The following TRPC7 variants were observed in gnomAD, a reference collection of about 807,000 sequenced individuals.
TRPC7 encodes the protein transient receptor potential cation channel subfamily C member 7.
TRPC7 carries 42 observed loss-of-function variants against 90.1 expected under a neutral mutation model. That is an observed-to-expected ratio of 0.47 (90% confidence interval 0.36 to 0.60). TRPC7 has a LOEUF of 0.60. TRPC7 is among the 20% of genes least tolerant of loss of function. The probability of loss-of-function intolerance (pLI) is 0.00; values close to 1 mark genes in which losing one functional copy is unlikely to be tolerated. For synonymous variants in TRPC7, 451 were observed against 436.3 expected (o/e 1.03, Z -0.42); for missense variants, 955 against 1,112.3 (o/e 0.86, Z 2.01).
chr5:136,315,786 G>A lies in TRPC7; in HGVS notation c.781-7C>T, dbSNP rs762298549. On this transcript the variant is annotated splice_polypyrimidine_tract_variant and splice_region_variant and intron_variant, in intron 2 of 11. Transcript: ENST00000513104. The stretch of plus-strand genomic sequence containing the variant: ...ATAACTTCCTGTAATCGTTCTAACA[G>A]AATAGAGAGAAATCAGCGGTATGTC... 3.1e-6 allele frequency: 5 copies of A among 1,611,064 alleles called. No homozygotes were observed. The highest frequency in any genetic ancestry group is 1.3e-5 in the African/African-American group (1 of 74,898).
intron 2 of TRPC7, among the ~76,000 whole-genome samples, chr5:136,320,574 T>G (rs1759164265): frequency 6.6e-6 from 1 of 152,194 alleles, no homozygotes; most frequent in South Asian, 2.1e-4. Flanking sequence ...ACATTACTGC[T>G]GTTGTTATTC....
chr5:136,270,439 G>A (rs1757171995), intron 4 of TRPC7, among the ~76,000 whole-genome samples: 2 of 152,288 alleles, frequency 1.3e-5, no homozygotes, highest in Non-Finnish European at 1.5e-5. Context: ...ATATGGCACT[G>A]GAGGGTCTCA....
chr5:136,295,369 C>G (rs536352644), intron 3 of TRPC7, among the ~76,000 whole-genome samples: 1 of 152,220 alleles, frequency 6.6e-6, no homozygotes, highest in Non-Finnish European at 1.5e-5. Flanking sequence ...GGGCGGCTAC[C>G]TGTGGATCTG....
chr5:136,275,871 AG>A (rs1757349251), intron 3 of TRPC7, among the ~76,000 whole-genome samples: 1 of 152,250 alleles, frequency 6.6e-6, no homozygotes. Context: ...TGGACTAAGT[AG>A]CAAAACAAGT....
intron 6 of TRPC7, among the ~76,000 whole-genome samples, chr5:136,250,485 T>C (rs1439661119): frequency 6.6e-6 from 1 of 152,236 alleles, no homozygotes; most frequent in Non-Finnish European, 1.5e-5. Flanking sequence ...AGCTGCTTTT[T>C]ACTGTTAACA....
chr5:136,304,428 G>T (rs1453659414), intron 3 of TRPC7, among the ~76,000 whole-genome samples: 1 of 152,094 alleles, frequency 6.6e-6, no homozygotes, highest in Non-Finnish European at 1.5e-5. Flanking sequence ...ACGAGATAAG[G>T]CTTACAAGTT....
intron 3 of TRPC7, chr5:136,314,128 ATCT>A (rs1410103165): frequency 1.3e-5 from 2 of 152,222 alleles, no homozygotes; most frequent in Non-Finnish European, 2.9e-5. Flanking sequence ...AATGCCAAGC[ATCT>A]TCTTTTGTGT....
Position 136,266,279 on chromosome 5 carries a change from A to C in TRPC7, c.1286T>G (p.Phe429Cys), listed in dbSNP as rs35643545. 1.2e-6 allele frequency: 2 copies of C among 1,613,942 alleles called. No homozygotes were observed. Among genetic ancestry groups the C allele is most frequent in the Admixed American group, 3.3e-5 (2 of 60,026 alleles). ...ETFTDYPKQIFRVKTTQFSWT... is the reference protein window; with the variant it reads ...ETFTDYPKQICRVKTTQFSWT... ...GGAGAACTGTGTGGTTTTCACTCTG[A>C]AGATTTGTTTTGGGTAGTCTGTGAA... Residue 429 changes from phenylalanine (F) to cysteine (C), a missense_variant, in exon 5 of 12, where the codon TTC (phenylalanine) becomes TGC (cysteine). Coordinates refer to ENST00000513104, the MANE Select transcript of TRPC7 (RefSeq NM_020389.3).
Position 136,231,417 on chromosome 5 carries a change from G to A in TRPC7, c.1977C>T (p.Thr659=), listed in dbSNP as rs747762088. 1.2e-6 allele frequency: 2 copies of A among 1,612,650 alleles called. No individual in the cohort carries two copies. Among genetic ancestry groups the A allele is most frequent in the Admixed American group, 3.3e-5 (2 of 59,946 alleles). Residue 659 remains threonine (T), a synonymous_variant, in exon 8 of 12, where the codon ACC becomes ACT. Transcript: ENST00000513104. ...GYVLYGVYNV[T]MVVVLLNMLI... ...GCATGTTGAGCAACACTACCACCAT[G>A]GTGACGTTATAAACGCCGTAGAGAA...
intron 7 of TRPC7, among the ~76,000 whole-genome samples, chr5:136,242,829 G>A (rs560516233): frequency 1.3e-5 from 2 of 152,260 alleles, no homozygotes; most frequent in South Asian, 2.1e-4. Context: ...GAAGTCCCAC[G>A]TTTAGCCACC....
rs930443411 is a variant in TRPC7 at position 136,213,162 on chromosome 5, G to T, written c.*273C>A. Among the ~76,000 whole-genome samples, 23 of 152,206 alleles carry T rather than the reference G, an allele frequency of 1.5e-4. No homozygotes were observed. The highest frequency in any genetic ancestry group is 5.6e-4 in the African/African-American group (23 of 41,436). On this transcript the variant is annotated 3_prime_UTR_variant, in exon 12 of 12. Transcript: ENST00000513104. Reference sequence around the variant, plus strand: ...GGCCACAGGGATGGGTTTCACTGTGGCTGGACCAAAGGTCTCACACTCGTC... The same window carrying T: ...GGCCACAGGGATGGGTTTCACTGTGTCTGGACCAAAGGTCTCACACTCGTC...
chr5:136,213,410 A>G lies in TRPC7; in HGVS notation c.*25T>C. Reference sequence around the variant, plus strand: ...CAACCTGGCCTTGGAATGCTGGTAGAAGTCACAGACGCCGATGTGGGCTGC... The same window carrying G: ...CAACCTGGCCTTGGAATGCTGGTAGGAGTCACAGACGCCGATGTGGGCTGC... On this transcript the variant is annotated 3_prime_UTR_variant, in exon 12 of 12. Coordinates refer to ENST00000513104, the MANE Select transcript of TRPC7 (RefSeq NM_020389.3). The G allele has an allele frequency of 6.2e-7, 1 of 1,610,962 alleles. No individual in the cohort carries two copies. The highest frequency in any genetic ancestry group is 1.1e-5 in the South Asian group (1 of 90,476).
At chr5:136,314,423 C>G (rs1758939012) in intron 3 of TRPC7, 1 of 152,220 alleles carries the variant, frequency 6.6e-6, no homozygotes, top group Non-Finnish European at 1.5e-5. Flanking sequence ...GTACTTGAAA[C>G]TGCAGCCTGA....
intron 5 of TRPC7, among the ~76,000 whole-genome samples, chr5:136,265,017 A>G (rs1447722545): frequency 3.3e-5 from 5 of 152,056 alleles, no homozygotes; most frequent in South Asian, 2.1e-4. Flanking sequence ...CATTTTTCCA[A>G]TTGGTCTCAG....
intron 2 of TRPC7, among the ~76,000 whole-genome samples, chr5:136,328,465 T>G (rs1759409113): frequency 6.6e-6 from 1 of 152,204 alleles, no homozygotes; most frequent in Non-Finnish European, 1.5e-5. Context: ...TGTGCATTGG[T>G]GATCTTAGAA....
At chr5:136,305,793 A>G (rs1238703886) in intron 3 of TRPC7, among the ~76,000 whole-genome samples, 5 of 152,258 alleles carry the variant, frequency 3.3e-5, no homozygotes, top group Non-Finnish European at 7.4e-5. Flanking sequence ...TATCCCTTAC[A>G]GTCCTCCATC....
chr5:136,356,893 G>C lies in TRPC7; in HGVS notation c.495C>G (p.Ile165Met), dbSNP rs1409896933. The C allele has an allele frequency of 6.2e-7, 1 of 1,613,954 alleles. No individual in the cohort carries two copies. The highest frequency in any genetic ancestry group is 1.1e-5 in the South Asian group (1 of 91,082). Residue 165 changes from isoleucine to methionine, a missense_variant, in exon 2 of 12, where the codon ATC becomes ATG. Coordinates refer to ENST00000513104, the MANE Select transcript of TRPC7 (RefSeq NM_020389.3). ...DEDGTRFSHD[I>M]TPIILAAHCQ... ...AGTGCGCCGCCAGGATGATGGGCGT[G>C]ATGTCGTGGGAGAAGCGCGTGCCGT...
intron 3 of TRPC7, among the ~76,000 whole-genome samples, chr5:136,290,152 C>G (rs530994719): frequency 2.0e-5 from 3 of 152,132 alleles, no homozygotes; most frequent in African/African-American, 7.2e-5. Flanking sequence ...ACGTCACCAT[C>G]ATCAAAGACC....
rs866753409 is a variant in TRPC7 at position 136,359,836 on chromosome 5, T to C, written c.3-2451A>G. 5.9e-5 allele frequency among the ~76,000 whole-genome samples: 9 copies of C among 152,204 alleles called. No individual in the cohort carries two copies. The South Asian group carries it at 1.9e-3, about 32-fold the overall frequency. ...CCAAAGAAGACTAATAATAATCTTTTTCATGGAAGTACTCAGCCTGTCCTA... is the reference window on the plus strand; with the variant it reads ...CCAAAGAAGACTAATAATAATCTTTCTCATGGAAGTACTCAGCCTGTCCTA... On this transcript the variant is annotated intron_variant, in intron 1 of 11. Coordinates refer to ENST00000513104, the MANE Select transcript of TRPC7 (RefSeq NM_020389.3).
Sources: gnomAD v4.1 joint callset for allele counts (sites outside exome capture counted in the v4.1 genomes callset) on GRCh38, gnomAD v4.1.1 for gene constraint, MANE v1.5 for transcripts, NCBI Gene and HGNC (gene_info 2026-07-23, HGNC 2026-07-21) for gene names.